Variants in COL19A1 observed in about 807,000 individuals in gnomAD.
COL19A1 encodes the protein collagen type XIX alpha 1 chain.
Under a neutral mutation model 190.2 loss-of-function variants are expected in COL19A1, and 159 were observed. The ratio of observed to expected loss-of-function variants is 0.84; its 90% confidence interval spans 0.73 to 0.95. The LOEUF (loss-of-function observed/expected upper bound fraction) is 0.95, where lower values mean the gene tolerates loss of function less well. Among genes scored for constraint, COL19A1 ranks in the 40% least tolerant of loss-of-function variants. The probability of loss-of-function intolerance (pLI) is 0.00; values close to 1 mark genes in which losing one functional copy is unlikely to be tolerated. For synonymous variants in COL19A1, 509 were observed against 458.9 expected (o/e 1.11, Z -1.39); for missense variants, 1,418 against 1,431.9 (o/e 0.99, Z 0.16).
intron 31 of COL19A1, 57 bp from the exon 32 acceptor site, chr6:70,156,070 C>T (rs1583044672): frequency 2.0e-6 from 3 of 1,501,830 alleles, no homozygotes; most frequent in African/African-American, 1.4e-5. Context: ...CATGAAACCT[C>T]ACCTTTATAG....
chr6:69,975,990 A>G (rs1775692976), intron 11 of COL19A1, among the ~76,000 whole-genome samples: 1 of 152,214 alleles, frequency 6.6e-6, no homozygotes, highest in Admixed American at 6.5e-5. Context: ...GTTTTCTGAC[A>G]TGGTATTGCC....
intron 14 of COL19A1, among the ~76,000 whole-genome samples, chr6:70,048,617 A>G (rs1460335214): frequency 1.3e-5 from 2 of 152,168 alleles, no homozygotes; most frequent in Non-Finnish European, 2.9e-5. Flanking sequence ...TGTTCATATT[A>G]TACACAGACA....
chr6:70,033,950 G>C lies in COL19A1; in HGVS notation c.1081-295G>C, dbSNP rs12198558. Among the ~76,000 whole-genome samples, 83,158 of 151,922 alleles carry C rather than the reference G, an allele frequency of 0.55. 22,959 individuals carry two copies. Among genetic ancestry groups the C allele is most frequent in the African/African-American group, 0.62 (25,585 of 41,472 alleles). ...TTTAATCCAAAGTGGATACTTAAAA[G>C]CTCATATAGATCTAAATGATATTCT... is the stretch of plus-strand genomic sequence containing the variant. On this transcript the variant is annotated intron_variant, in intron 12 of 50. Coordinates refer to ENST00000620364, the MANE Select transcript of COL19A1 (RefSeq NM_001858.6).
At chr6:69,944,199 A>T (rs1374264648) in intron 9 of COL19A1, among the ~76,000 whole-genome samples, 2 of 152,146 alleles carry the variant, frequency 1.3e-5, no homozygotes, top group Non-Finnish European at 2.9e-5. Context: ...TGGCATCTCT[A>T]TATAAAAAGC....
chr6:69,954,312 C>G (rs1306563638), intron 9 of COL19A1, among the ~76,000 whole-genome samples: 1 of 152,012 alleles, frequency 6.6e-6, no homozygotes, highest in Non-Finnish European at 1.5e-5. Context: ...GACTTGGGGT[C>G]TGTCTCATCT....
rs1772625407 is a variant in COL19A1, at chr6:69,929,652, T to C, written c.618T>C (p.His206=). 2 of 1,613,882 alleles carry C rather than the reference T, an allele frequency of 1.2e-6. No individual in the cohort carries two copies. The highest frequency in any genetic ancestry group is 1.7e-5 in the Admixed American group (1 of 59,966). The change falls in exon 6 of 51, where the codon CAT becomes CAC. Residue 206 remains histidine (H), a synonymous_variant. Coordinates refer to ENST00000620364, the MANE Select transcript of COL19A1 (RefSeq NM_001858.6). Reference sequence around the variant, plus strand: ...ATGAAAAGGACACTGTGGATTTCCATGGACGGACAGTTATTGCTACGCGAG... The same window carrying C: ...ATGAAAAGGACACTGTGGATTTCCACGGACGGACAGTTATTGCTACGCGAG... The part of the protein sequence containing the change: ...QTDEKDTVDF[H]GRTVIATRAS...
intron 11 of COL19A1, among the ~76,000 whole-genome samples, chr6:70,020,919 A>T (rs1223569295): frequency 6.6e-6 from 1 of 152,144 alleles, no homozygotes; most frequent in Non-Finnish European, 1.5e-5. Context: ...TTACATACCA[A>T]TAGTAATATT....
intron 48 of COL19A1, among the ~76,000 whole-genome samples, chr6:70,197,456 A>C (rs1767280098): frequency 6.6e-6 from 1 of 151,990 alleles, no homozygotes; most frequent in Non-Finnish European, 1.5e-5. Flanking sequence ...TTGTACTGAA[A>C]CACATCTCTT....
chr6:69,870,655 A>G (rs1767769704), intron 1 of COL19A1, among the ~76,000 whole-genome samples: 1 of 152,194 alleles, frequency 6.6e-6, no homozygotes, highest in Non-Finnish European at 1.5e-5. Context: ...GGAGTGGGCA[A>G]TGAAGAGCCA....
intron 15 of COL19A1, among the ~76,000 whole-genome samples, chr6:70,070,025 A>G (rs1781454058): frequency 6.6e-6 from 1 of 152,134 alleles, no homozygotes; most frequent in African/African-American, 2.4e-5. Flanking sequence ...CTAGGCTACC[A>G]TCTTTTCCAC....
intron 11 of COL19A1, among the ~76,000 whole-genome samples, chr6:70,002,657 G>A (rs925295090): frequency 6.6e-6 from 1 of 150,804 alleles, no homozygotes. Context: ...TTTGTGTAGA[G>A]GTGTTTATAG....
chr6:70,187,906 A>G (rs912510946), intron 46 of COL19A1, among the ~76,000 whole-genome samples, 169 bp from the exon 47 acceptor site: 5 of 152,206 alleles, frequency 3.3e-5, no homozygotes, highest in Non-Finnish European at 5.9e-5. Flanking sequence ...TCTAATGGAT[A>G]CTATTAATAT....
At chr6:70,190,230 A>G in intron 47 of COL19A1, 85 bp from the exon 48 acceptor site, 1 of 1,064,822 alleles carries the variant, frequency 9.4e-7, no homozygotes, top group Non-Finnish European at 1.4e-6. Context: ...CAGAAGTTTC[A>G]AATAGGCAAG....
intron 4 of COL19A1, among the ~76,000 whole-genome samples, chr6:69,921,256 CAT>C (rs1417500727): frequency 7.9e-6 from 1 of 125,854 alleles, no homozygotes; most frequent in African/African-American, 3.2e-5. Context: ...TGTCATATAT[CAT>C]ATCATATATC....
At chr6:70,188,855 G>A (rs1766687458) in intron 47 of COL19A1, among the ~76,000 whole-genome samples, 1 of 152,178 alleles carries the variant, frequency 6.6e-6, no homozygotes, top group Admixed American at 6.5e-5. Flanking sequence ...GAAGAAAGGA[G>A]GGTCTTGAAG....
chr6:69,883,975 A>G (rs1019084248), intron 2 of COL19A1, among the ~76,000 whole-genome samples: 3 of 152,166 alleles, frequency 2.0e-5, no homozygotes, highest in African/African-American at 7.2e-5. Context: ...AGTGTAAAAG[A>G]GGGATTTCAA....
chr6:69,975,146 A>G (rs538335011), intron 11 of COL19A1, among the ~76,000 whole-genome samples: 2 of 152,254 alleles, frequency 1.3e-5, no homozygotes, highest in African/African-American at 4.8e-5. Context: ...CTAAACATGA[A>G]GATGCATTCT....
At chr6:69,889,003 T>C (rs1264981052) in intron 2 of COL19A1, among the ~76,000 whole-genome samples, 1 of 152,140 alleles carries the variant, frequency 6.6e-6, no homozygotes, top group Non-Finnish European at 1.5e-5. Flanking sequence ...AGAGCCTTTA[T>C]TTTTTTAAGA....
intron 15 of COL19A1, among the ~76,000 whole-genome samples, chr6:70,071,856 G>C (rs1781578462): frequency 6.6e-6 from 1 of 152,104 alleles, no homozygotes; most frequent in African/African-American, 2.4e-5. Flanking sequence ...GATTCTTGAA[G>C]GGTTCAGCAG....
Sources: gnomAD v4.1 joint callset for allele counts (sites outside exome capture counted in the v4.1 genomes callset) on GRCh38, gnomAD v4.1.1 for gene constraint, MANE v1.5 for transcripts, NCBI Gene and HGNC (gene_info 2026-07-23, HGNC 2026-07-21) for gene names.